The following UMODL1 variants were observed in gnomAD, a reference collection of about 807,000 sequenced individuals.
The protein encoded by UMODL1 is uromodulin-like 1.
UMODL1 carries 128 observed loss-of-function variants against 136.3 expected under a neutral mutation model. The ratio of observed to expected loss-of-function variants is 0.94; its 90% CI spans 0.81 to 1.09. The LOEUF (loss-of-function observed/expected upper bound fraction) is 1.09, where lower values mean the gene tolerates loss of function less well. UMODL1 is among the 50% of genes least tolerant of loss of function. The pLI, the probability that UMODL1 is intolerant of heterozygous loss-of-function variation, is 0.00. For synonymous variants in UMODL1, 721 were observed against 720.0 expected, an observed-to-expected ratio of 1.00 and a Z score of -0.02; for missense variants, 1,766 against 1,725.6, an observed-to-expected ratio of 1.02 and a Z score of -0.41.
intron 2 of UMODL1, among the ~76,000 whole-genome samples, chr21:42,080,308 C>T (rs1246413866): frequency 6.6e-6 from 1 of 152,140 alleles, no homozygotes; most frequent in East Asian, 1.9e-4. Context: ...ATGTTGGAGG[C>T]CCCTGGAAAT....
Position 42,102,238 on chromosome 21 carries a change from G to A in UMODL1, c.1259G>A (p.Ser420Asn). ...ACGGAGAAGTTACTCAACCGCAGCA[G>A]TGTGGAGTACCAGGACTTTTCTAGA... The part of the protein sequence containing the change: ...NLTEKLLNRS[S>N]VEYQDFSRQL... Residue 420 changes from serine to asparagine, a missense_variant, in exon 8 of 23, where the codon AGT becomes AAT. Physicochemically the swap from Ser to Asn is conservative, Grantham distance 46. Transcript: ENST00000408910. 6.2e-7 allele frequency: 1 copy of A among 1,613,888 alleles called. No individual in the cohort carries two copies. The highest frequency in any genetic ancestry group is 8.5e-7 in the Non-Finnish European group (1 of 1,179,838).
At chr21:42,084,900 T>G (rs1178374518) in intron 3 of UMODL1, among the ~76,000 whole-genome samples, 1 of 151,664 alleles carries the variant, frequency 6.6e-6, no homozygotes, top group Non-Finnish European at 1.5e-5. Context: ...GATTATACTA[T>G]CCAATATTTG....
At chr21:42,120,315 G>C (rs2839469) in intron 15 of UMODL1, among the ~76,000 whole-genome samples, 33,376 of 152,286 alleles carry the variant, frequency 0.22, 3,820 homozygotes, top group East Asian at 0.3. Context: ...CATCCACTTG[G>C]ATTCTGAAAT....
intron 21 of UMODL1, among the ~76,000 whole-genome samples, chr21:42,134,209 G>T (rs1262318406): frequency 6.6e-6 from 1 of 152,226 alleles, no homozygotes; most frequent in Non-Finnish European, 1.5e-5. Context: ...TTTGCAGGGG[G>T]TGAGGGGTTC....
rs114892173 is a variant in UMODL1 at position 42,094,159 on chromosome 21, A to G, written c.931+3721A>G. The G allele has an allele frequency of 4.5e-3, 1,603 of 354,582 alleles. 28 individuals are homozygous for G. Among genetic ancestry groups the G allele is most frequent in the African/African-American group, 0.032 (1,494 of 46,862 alleles). 22.0% of individuals were successfully genotyped at this position (354,582 alleles called of 1,614,324 possible). ...GTGAACTGCCAGATTGCGTCAGGATACAGGGCCGCTCGAGCGACCGCCAAA... is the reference window on the plus strand; with the variant it reads ...GTGAACTGCCAGATTGCGTCAGGATGCAGGGCCGCTCGAGCGACCGCCAAA... On this transcript the variant is annotated intron_variant, in intron 6 of 22. Coordinates refer to ENST00000408910, the MANE Select transcript of UMODL1 (RefSeq NM_001004416.3).
chr21:42,074,103 G>A (rs777676684), intron 1 of UMODL1, among the ~76,000 whole-genome samples: 1 of 152,134 alleles, frequency 6.6e-6, no homozygotes, highest in South Asian at 2.1e-4. Flanking sequence ...AAATGGATTC[G>A]GTCACAGGTC....
Position 42,090,404 on chromosome 21 carries a change from C to A in UMODL1, c.897C>A (p.Ala299=), listed in dbSNP as rs2839464. 5 of 1,613,740 alleles carry A rather than the reference C, an allele frequency of 3.1e-6. No individual in the cohort carries two copies. The highest frequency in any genetic ancestry group is 1.3e-5 in the African/African-American group (1 of 74,816). ...YWCVCHQEAP[A]TSPRKLNLEW... is the part of the protein sequence containing the mutation. ...GCGTCTGTCACCAGGAAGCTCCAGC[C>A]ACGTCTCCACGGAAGCTGAACCTGG... Residue 299 remains alanine, a synonymous_variant, in exon 6 of 23, where the codon GCC becomes GCA. Transcript: ENST00000408910.
At chr21:42,119,778 T>A (rs1216254989) in intron 15 of UMODL1, among the ~76,000 whole-genome samples, 1 of 152,254 alleles carries the variant, frequency 6.6e-6, no homozygotes, top group African/African-American at 2.4e-5. Context: ...TATAGTTACA[T>A]GTATCAGAAA....
chr21:42,069,913 G>T (rs2066214967), upstream of UMODL1, among the ~76,000 whole-genome samples: 1 of 152,180 alleles, frequency 6.6e-6, no homozygotes, highest in South Asian at 2.1e-4. Flanking sequence ...CTTTTCGTAT[G>T]AAAACGTTTT....
At chr21:42,124,166 A>G (rs1015205246) in intron 17 of UMODL1, among the ~76,000 whole-genome samples, 1 of 152,098 alleles carries the variant, frequency 6.6e-6, no homozygotes, top group Non-Finnish European at 1.5e-5. Context: ...CTCCAACCCC[A>G]CTTGGCCACA....
chr21:42,071,689 G>GCGGCA (rs2066233757), intron 1 of UMODL1, among the ~76,000 whole-genome samples: 1 of 152,012 alleles, frequency 6.6e-6, no homozygotes, highest in Non-Finnish European at 1.5e-5. Flanking sequence ...GCAGGTCTGG[G>GCGGCA]GTGCAGGGCC....
Position 42,085,443 on chromosome 21 carries a change from C to G in UMODL1, c.603+31C>G. 6.2e-7 allele frequency: 1 copy of G among 1,613,022 alleles called. No homozygotes were observed. The highest frequency in any genetic ancestry group is 8.5e-7 in the Non-Finnish European group (1 of 1,179,730). On this transcript the variant is annotated intron_variant, in intron 4 of 22. Coordinates refer to ENST00000408910, the MANE Select transcript of UMODL1 (RefSeq NM_001004416.3). This position sits in a 1 kb window ranked among gnomAD's most constrained non-coding sequence, Gnocchi z 4.5. ...TGAGACAGACGGGGGCTGCCTGCAC[C>G]CTCCTTGTGGCAGCTGCTCAGGCAG...
chr21:42,083,196 G>C (rs2066383220), intron 2 of UMODL1, among the ~76,000 whole-genome samples: 1 of 152,208 alleles, frequency 6.6e-6, no homozygotes, highest in South Asian at 2.1e-4. Flanking sequence ...TCTCCACATG[G>C]GCGAGCAGTG....
chr21:42,073,265 G>A (rs1246023390), intron 1 of UMODL1, among the ~76,000 whole-genome samples: 3 of 152,256 alleles, frequency 2.0e-5, no homozygotes, highest in Non-Finnish European at 2.9e-5. Flanking sequence ...CGTGGTCACT[G>A]AGTAGGTGAG....
intron 1 of UMODL1, 151 bp from the exon 2 acceptor site, chr21:42,075,854 T>C (rs927471165): frequency 4.5e-6 from 5 of 1,116,156 alleles, no homozygotes; most frequent in Non-Finnish European, 6.5e-6. Flanking sequence ...CAAAGGCCAG[T>C]GGAGAGGGCT....
chr21:42,102,572 G>T, intron 8 of UMODL1: 1 of 193,068 alleles, frequency 5.2e-6, no homozygotes, highest in Non-Finnish European at 1.1e-5. Context: ...GGAACCTTCT[G>T]TCTGAGGGCC....
chr21:42,118,739 C>T (rs1305479580), intron 14 of UMODL1, among the ~76,000 whole-genome samples: 1 of 152,154 alleles, frequency 6.6e-6, no homozygotes, highest in Non-Finnish European at 1.5e-5. Context: ...CCCCTGCCCT[C>T]GGTGGCTGCA....
At chr21:42,076,709 C>G (rs191488400) in intron 2 of UMODL1, among the ~76,000 whole-genome samples, 4 of 152,322 alleles carry the variant, frequency 2.6e-5, no homozygotes, top group Middle Eastern at 3.4e-3. Flanking sequence ...TCTACAGCAG[C>G]CTTTTCTTTC....
At chr21:42,133,953 C>G (rs12627386) in intron 21 of UMODL1, among the ~76,000 whole-genome samples, 1 of 151,944 alleles carries the variant, frequency 6.6e-6, no homozygotes, top group East Asian at 1.9e-4. Context: ...GAGTCTCACT[C>G]TATTGCCAGG....
Sources: allele counts gnomAD v4.1 joint callset (sites outside exome capture counted in the v4.1 genomes callset), GRCh38; gene constraint gnomAD v4.1.1; non-coding constraint Gnocchi (gnomAD v3.1); transcripts MANE v1.5; gene names NCBI Gene and HGNC (gene_info 2026-07-23, HGNC 2026-07-21).